The following NID2 variants were observed in gnomAD, a reference collection of about 807,000 sequenced individuals.
NID2 encodes nidogen-2.
NID2 carries 83 observed loss-of-function variants against 145.4 expected under a neutral mutation model. That is an observed-to-expected ratio of 0.57 (90% CI 0.48 to 0.69). The LOEUF is 0.69. Among genes scored for constraint, NID2 ranks in the 30% least tolerant of loss-of-function variants. The pLI is 0.00. For missense variants in NID2, 1,807 were observed against 1,765.7 expected (o/e 1.02, Z -0.42); for synonymous variants, 739 against 701.3 (o/e 1.05, Z -0.85).
At chr14:52,032,154 T>C (rs930993545) in intron 9 of NID2, among the ~76,000 whole-genome samples, 3 of 152,210 alleles carry the variant, frequency 2.0e-5, no homozygotes, top group Admixed American at 6.5e-5. Flanking sequence ...TCTGGTAAAC[T>C]CTTTCCATCC....
intron 2 of NID2, among the ~76,000 whole-genome samples, chr14:52,063,171 A>G (rs1048156458): frequency 3.9e-5 from 6 of 152,334 alleles, no homozygotes; most frequent in Non-Finnish European, 8.8e-5. Context: ...CTGGCTTCCA[A>G]ACAGGAAAGG....
chr14:52,011,406 G>A (rs1891014015), intron 17 of NID2, 148 bp downstream of exon 17: 6 of 861,664 alleles, frequency 7.0e-6, no homozygotes, highest in Non-Finnish European at 1.1e-5. Context: ...CTTACAGAGG[G>A]GGCTAGTCTT....
chr14:52,006,775 A>G, intron 19 of NID2, 115 bp from the exon 20 acceptor site: 1 of 1,148,902 alleles, frequency 8.7e-7, no homozygotes, highest in African/African-American at 1.5e-5. Flanking sequence ...TACTTCCATT[A>G]CAGTCATAGA....
intron 2 of NID2, 29 bp downstream of exon 2, chr14:52,067,829 T>C (rs1893274094): frequency 1.2e-6 from 2 of 1,609,690 alleles, no homozygotes; most frequent in Admixed American, 1.7e-5. Flanking sequence ...TTCAATTTCC[T>C]CAGCAGTCAA....
Position 52,029,650 on chromosome 14 carries a change from C to G in NID2, c.2298G>C (p.Gly766=). The G allele has an allele frequency of 6.2e-7, 1 of 1,613,948 alleles. No homozygotes were observed. Among genetic ancestry groups the G allele is most frequent in the Non-Finnish European group, 8.5e-7 (1 of 1,179,858 alleles). Residue 766 remains glycine (G), a synonymous_variant, in exon 10 of 22, where the codon GGG becomes GGC. Transcript: ENST00000216286. ...DPTPGNPCYD[G]SHMCDTTARC... ...GTGCTGTTGTGTCACACATGTGGCT[C>G]CCATCATAGCAAGGATTCCCCGGAG...
chr14:52,042,308 T>C lies in NID2; in HGVS notation c.1622A>G (p.His541Arg). ...RVNGKVSGHLHVGHTPVHFTD... is the reference protein window; with the variant it reads ...RVNGKVSGHLRVGHTPVHFTD... ...GAAGTGCACGGGTGTATGGCCCACGTGGAGGTGGCCACTCACTTTCCCATT... is the reference window on the plus strand; with the variant it reads ...GAAGTGCACGGGTGTATGGCCCACGCGGAGGTGGCCACTCACTTTCCCATT... The change falls in exon 7 of 22, where the codon CAC becomes CGC. Residue 541 changes from histidine (H) to arginine (R), a missense_variant. Transcript: ENST00000216286. 6.2e-7 allele frequency: 1 copy of C among 1,613,606 alleles called. No homozygotes were observed.
chr14:52,005,867 G>C lies in NID2; in HGVS notation c.4005-18C>G, dbSNP rs775894651. Reference sequence around the variant, plus strand: ...CACCATCCCTGGTAACAGAAAGGAAGAGTGAATTCAGGGACAGTCATTTAC... The same window carrying C: ...CACCATCCCTGGTAACAGAAAGGAACAGTGAATTCAGGGACAGTCATTTAC... On this transcript the variant is annotated intron_variant, in intron 20 of 21. Transcript: ENST00000216286. 7.7e-6 allele frequency: 12 copies of C among 1,555,372 alleles called. No individual in the cohort carries two copies. The African/African-American group carries it at 1.6e-4, about 21-fold the overall frequency.
intron 8 of NID2, among the ~76,000 whole-genome samples, 181 bp from the exon 9 acceptor site, chr14:52,039,158 G>GT (rs999796849): frequency 5.8e-4 from 88 of 152,346 alleles, no homozygotes; most frequent in African/African-American, 2.1e-3. Flanking sequence ...CAAAGCCACA[G>GT]TGCTGAGAGG....
At position 52,005,176 on chromosome 14, in the gene NID2, T is replaced by A. The variant is rs1052725857; in HGVS notation, c.*310A>T. 1 of 249,510 alleles carries A rather than the reference T, an allele frequency of 4.0e-6. No homozygotes were observed. Among genetic ancestry groups the A allele is most frequent in the Non-Finnish European group, 7.6e-6 (1 of 131,404 alleles). The allele number at this position is 249,510 out of a possible 1,614,324, so 15.5% of individuals were successfully genotyped here. A position where few individuals can be genotyped will look rare whatever the true frequency, so the allele number is the denominator to read the frequency against. ...GTTTAGAGTCTTAAACTCTAATTCTTAGTTGAATGAATTTGATCTTTTAAA... is the reference window on the plus strand; with the variant it reads ...GTTTAGAGTCTTAAACTCTAATTCTAAGTTGAATGAATTTGATCTTTTAAA... On this transcript the variant is annotated 3_prime_UTR_variant, in exon 22 of 22. Coordinates refer to ENST00000216286, the MANE Select transcript of NID2 (RefSeq NM_007361.4).
intron 7 of NID2, 112 bp from the exon 8 acceptor site, chr14:52,040,963 A>C (rs1892260285): frequency 1.1e-6 from 1 of 876,484 alleles, no homozygotes; most frequent in Non-Finnish European, 1.9e-6. Flanking sequence ...GTGCCTAAGG[A>C]GATTATCTGA....
Position 52,030,522 on chromosome 14 carries a change from AAGAAAG to A in NID2, c.2258-838_2258-833del, listed in dbSNP as rs1891779800. Among the ~76,000 whole-genome samples the A allele has an allele frequency of 4.2e-5, 2 of 47,452 alleles. 1 individual carries two copies. Among genetic ancestry groups the A allele is most frequent in the South Asian group, 1.4e-3 (2 of 1,384 alleles). The allele number at this position is 47,452 out of a possible 152,430, so 31.1% of individuals were successfully genotyped here. The stretch of plus-strand genomic sequence containing the variant: ...GAAAGAGAAAGAAAGAAAGAAAAGA[AAGAAAG>A]AAAGAAAGAAAGAAAGAAAGAAAGA... On this transcript the variant is annotated intron_variant, in intron 9 of 21. Transcript: ENST00000216286.
At chr14:52,039,631 C>T (rs866956905) in intron 8 of NID2, among the ~76,000 whole-genome samples, 2 of 152,318 alleles carry the variant, frequency 1.3e-5, no homozygotes, top group African/African-American at 4.8e-5. Context: ...CAGCTCTCAG[C>T]ATAGGAGCAG....
At chr14:52,052,831 T>G (rs546181844) in intron 5 of NID2, among the ~76,000 whole-genome samples, 71 of 152,288 alleles carry the variant, frequency 4.7e-4, no homozygotes, top group Middle Eastern at 3.4e-3. Context: ...TTCACATCTT[T>G]CCATGTCTGA....
At chr14:52,057,691 G>T (rs1480841056) in intron 3 of NID2, among the ~76,000 whole-genome samples, 1 of 103,740 alleles carries the variant, frequency 9.6e-6, no homozygotes, top group Non-Finnish European at 1.8e-5. Context: ...CGACAAGAGC[G>T]AACCTCCGTC....
chr14:52,059,491 C>T (rs964749858), intron 3 of NID2, among the ~76,000 whole-genome samples: 1 of 152,212 alleles, frequency 6.6e-6, no homozygotes, highest in Non-Finnish European at 1.5e-5. Context: ...CCTACTGGCA[C>T]TATCTGTACT....
intron 5 of NID2, among the ~76,000 whole-genome samples, chr14:52,044,988 G>A (rs868017087): frequency 6.6e-6 from 1 of 152,058 alleles, no homozygotes. Context: ...ACCTGAAGTC[G>A]CATAGGCAGT....
At chr14:52,050,717 C>T (rs1376956086) in intron 5 of NID2, among the ~76,000 whole-genome samples, 1 of 152,106 alleles carries the variant, frequency 6.6e-6, no homozygotes, top group African/African-American at 2.4e-5. Context: ...AAGTGATCCT[C>T]CCACCTCAGT....
intron 18 of NID2, chr14:52,008,363 G>A (rs1170345470): frequency 6.3e-6 from 1 of 158,708 alleles, no homozygotes; most frequent in Non-Finnish European, 1.4e-5. Flanking sequence ...TCCCCGAGCT[G>A]AGCCTTGTGA....
At chr14:52,041,451 A>C (rs1445382259) in intron 7 of NID2, among the ~76,000 whole-genome samples, 1 of 152,236 alleles carries the variant, frequency 6.6e-6, no homozygotes, top group African/African-American at 2.4e-5. Flanking sequence ...TTAATGCAAT[A>C]AAGATAAAAC....
Sources: gnomAD v4.1 joint callset for allele counts (sites outside exome capture counted in the v4.1 genomes callset) on GRCh38, gnomAD v4.1.1 for gene constraint, MANE v1.5 for transcripts, NCBI Gene and HGNC (gene_info 2026-07-23, HGNC 2026-07-21) for gene names.